PRKAA2: variants seen among roughly 807,000 people sequenced by gnomAD.
PRKAA2 encodes the protein 5'-AMP-activated protein kinase catalytic subunit alpha-2.
In PRKAA2, 40 loss-of-function variants were observed where a neutral mutation model predicts 56.3. That is an observed-to-expected ratio of 0.71 (90% CI 0.55 to 0.92). The LOEUF is 0.92. Among genes scored for constraint, PRKAA2 ranks in the 40% least tolerant of loss-of-function variants. PRKAA2 has a pLI of 0.00. For synonymous variants in PRKAA2, 214 were observed against 234.2 expected, an observed-to-expected ratio of 0.91 and a Z score of 0.79; for missense variants, 542 against 686.9, an observed-to-expected ratio of 0.79 and a Z score of 2.36.
intron 6 of PRKAA2, among the ~76,000 whole-genome samples, chr1:56,701,108 T>TTTGCTG (rs1429807884): frequency 1.3e-5 from 2 of 152,194 alleles, no homozygotes; most frequent in African/African-American, 2.4e-5. Flanking sequence ...TTTCACAGTT[T>TTTGCTG]TTGCTGGTAT....
At chr1:56,647,150 G>C (rs1646649736) in intron 1 of PRKAA2, among the ~76,000 whole-genome samples, 1 of 152,158 alleles carries the variant, frequency 6.6e-6, no homozygotes. Flanking sequence ...ATTTTTGAAA[G>C]ACCTTATAAG....
intron 1 of PRKAA2, among the ~76,000 whole-genome samples, chr1:56,660,935 A>G (rs955050616): frequency 4.6e-5 from 7 of 152,200 alleles, no homozygotes; most frequent in African/African-American, 1.7e-4. Context: ...TTTCAGGGAA[A>G]GGAAATTTGG....
At chr1:56,674,058 C>T (rs1644096256) in intron 1 of PRKAA2, among the ~76,000 whole-genome samples, 1 of 152,154 alleles carries the variant, frequency 6.6e-6, no homozygotes, top group Admixed American at 6.6e-5. Context: ...AGTGAGTTCT[C>T]TCCTGTCCAA....
rs530371477 is a variant in PRKAA2 at position 56,671,011 on chromosome 1, G to A, written c.95-3370G>A. On this transcript the variant is annotated intron_variant, in intron 1 of 8. Transcript: ENST00000371244. ...TGATCAACGTTTCTTGCATATGCTC[G>A]GCAAATGTTTTGAGATTGAATAAAT... is the stretch of plus-strand genomic sequence containing the variant. Among the ~76,000 whole-genome samples, 118 of 152,172 alleles carry A rather than the reference G, an allele frequency of 7.8e-4. 1 individual carries two copies. The highest frequency in any genetic ancestry group is 2.8e-3 in the African/African-American group (116 of 41,528).
At chr1:56,681,497 A>G (rs1644154967) in intron 2 of PRKAA2, among the ~76,000 whole-genome samples, 1 of 152,280 alleles carries the variant, frequency 6.6e-6, no homozygotes, top group East Asian at 1.9e-4. Flanking sequence ...TAGGTCTAAC[A>G]TTTAAGTCTT....
intron 1 of PRKAA2, among the ~76,000 whole-genome samples, chr1:56,673,947 T>C (rs1644095358): frequency 6.6e-6 from 1 of 152,158 alleles, no homozygotes; most frequent in South Asian, 2.1e-4. Context: ...TCTGTTGAAA[T>C]AGTAATTACT....
intron 1 of PRKAA2, among the ~76,000 whole-genome samples, chr1:56,654,012 A>T (rs937664127): frequency 2.6e-5 from 4 of 152,098 alleles, no homozygotes; most frequent in Non-Finnish European, 4.4e-5. Flanking sequence ...TTTAGTATGA[A>T]TGGGTCATTT....
intron 4 of PRKAA2, among the ~76,000 whole-genome samples, 157 bp downstream of exon 4, chr1:56,692,659 AAATTTTCATT>A (rs1459423921): frequency 2.0e-5 from 3 of 152,074 alleles, no homozygotes; most frequent in Non-Finnish European, 4.4e-5. Flanking sequence ...TCATTTAATT[AAATTTTCATT>A]AATTTTCATT....
At chr1:56,695,026 T>C (rs924662777) in intron 5 of PRKAA2, among the ~76,000 whole-genome samples, 1 of 151,790 alleles carries the variant, frequency 6.6e-6, no homozygotes, top group Admixed American at 6.6e-5. Context: ...ATAGGTTATC[T>C]GGATCAAAGA....
At position 56,697,294 on chromosome 1, in the gene PRKAA2, G is replaced by C. The variant is rs537291296; in HGVS notation, c.788+1135G>C. Among the ~76,000 whole-genome samples the C allele has an allele frequency of 7.2e-5, 11 of 152,128 alleles. No individual in the cohort carries two copies. In the East Asian group the frequency reaches 2.1e-3, roughly 29 times the overall value. On this transcript the variant is annotated intron_variant, in intron 6 of 8. Transcript: ENST00000371244. ...CCACCTTGCCCTCCCAAAGTGCTGGGATTACAAGTGTGAGTCGTTGCACCC... is the reference window on the plus strand; with the variant it reads ...CCACCTTGCCCTCCCAAAGTGCTGGCATTACAAGTGTGAGTCGTTGCACCC...
Position 56,707,570 on chromosome 1 carries a change from A to G in PRKAA2, c.1516A>G (p.Thr506Ala), listed in dbSNP as rs1399478568. The G allele has an allele frequency of 1.2e-6, 2 of 1,614,078 alleles. No homozygotes were observed. Among genetic ancestry groups the G allele is most frequent in the Non-Finnish European group, 8.5e-7 (1 of 1,179,992 alleles). Reference protein sequence around the residue: ...HRPRSSFDSTTAESHSLSGSL... With the variant: ...HRPRSSFDSTAAESHSLSGSL... Reference sequence around the variant, plus strand: ...ACCAAGATCAAGTTTTGATTCCACAACTGCAGAGAGCCATTCACTTTCTGG... The same window carrying G: ...ACCAAGATCAAGTTTTGATTCCACAGCTGCAGAGAGCCATTCACTTTCTGG... The change falls in exon 9 of 9, where the codon ACT becomes GCT. Residue 506 changes from threonine (T) to alanine (A), a missense_variant. Physicochemically the swap from Thr to Ala is moderately conservative, Grantham distance 58. Around this residue, in one of 5 missense-constraint regions of PRKAA2, gnomAD observed 158 missense variants for 166.1 expected, o/e 0.95. Transcript: ENST00000371244.
chr1:56,695,798 G>C, intron 5 of PRKAA2, 137 bp from the exon 6 acceptor site: 1 of 743,686 alleles, frequency 1.3e-6, no homozygotes, highest in East Asian at 2.5e-5. Context: ...CTGAATATTG[G>C]GGAGCAGCCA....
intron 1 of PRKAA2, among the ~76,000 whole-genome samples, chr1:56,646,470 T>C (rs1004785087): frequency 1.3e-5 from 2 of 152,216 alleles, no homozygotes; most frequent in Non-Finnish European, 2.9e-5. Flanking sequence ...ATGTTATACT[T>C]TATTCGAGTT....
intron 1 of PRKAA2, among the ~76,000 whole-genome samples, chr1:56,659,821 T>C (rs1292920807): frequency 6.6e-6 from 1 of 152,152 alleles, no homozygotes; most frequent in African/African-American, 2.4e-5. Context: ...GGCGGGAGGA[T>C]CGCTTAGGCC....
chr1:56,679,714 C>T (rs1644139751), intron 2 of PRKAA2, among the ~76,000 whole-genome samples: 1 of 152,088 alleles, frequency 6.6e-6, no homozygotes, highest in South Asian at 2.1e-4. Context: ...CCAATTCCAA[C>T]TTGTCTTTTA....
At chr1:56,658,500 G>T (rs539516821) in intron 1 of PRKAA2, among the ~76,000 whole-genome samples, 2 of 151,980 alleles carry the variant, frequency 1.3e-5, no homozygotes, top group South Asian at 2.1e-4. Flanking sequence ...ATTCTCCAAC[G>T]GTGTTAAAGA....
rs890575609 is a variant in PRKAA2, at chr1:56,712,190, A to G, written c.*4477A>G. ...AGGAAGCAGGACCAGAAAGCTCTTC[A>G]TAAAGCTTTAACACCATACAAGTAT... On this transcript the variant is annotated 3_prime_UTR_variant, in exon 9 of 9. Coordinates refer to ENST00000371244, the MANE Select transcript of PRKAA2 (RefSeq NM_006252.4). 6.6e-6 allele frequency: 1 copy of G among 152,204 alleles called. No individual in the cohort carries two copies. Among genetic ancestry groups the G allele is most frequent in the African/African-American group, 2.4e-5 (1 of 41,460 alleles). The allele number at this position is 152,204 out of a possible 1,614,324, so 9.4% of individuals were successfully genotyped here. A position where few individuals can be genotyped will look rare whatever the true frequency, so the allele number is the denominator to read the frequency against.
chr1:56,695,196 A>ATG (rs961703345), intron 5 of PRKAA2, among the ~76,000 whole-genome samples: 19 of 146,126 alleles, frequency 1.3e-4, no homozygotes, highest in East Asian at 6.0e-4. Flanking sequence ...ATATATATAT[A>ATG]TATATATTTT....
chr1:56,653,122 A>G (rs1643914671), intron 1 of PRKAA2, among the ~76,000 whole-genome samples: 1 of 140,180 alleles, frequency 7.1e-6, no homozygotes, highest in Non-Finnish European at 1.6e-5. Flanking sequence ...CAAATTCTAA[A>G]CAAGTGTTAA....
Sources: gnomAD v4.1 joint callset for allele counts (sites outside exome capture counted in the v4.1 genomes callset) on GRCh38, gnomAD v4.1.1 for gene constraint, gnomAD v4.1.1 regional missense constraint, MANE v1.5 for transcripts, NCBI Gene and HGNC (gene_info 2026-07-23, HGNC 2026-07-21) for gene names.